ZBBX: variants seen among roughly 807,000 people sequenced by gnomAD.
ZBBX encodes the protein zinc finger B-box domain containing, also known as zinc finger B-box domain-containing protein 1.
ZBBX carries 101 observed loss-of-function variants against 108.5 expected under a neutral mutation model. That is an observed-to-expected ratio of 0.93 (90% CI 0.79 to 1.10). The LOEUF (loss-of-function observed/expected upper bound fraction) is 1.10, where lower values mean the gene tolerates loss of function less well. ZBBX is among the 50% of genes least tolerant of loss of function. ZBBX has a pLI of 0.00. For missense variants in ZBBX, 1,009 were observed against 941.4 expected, an observed-to-expected ratio of 1.07 and a Z score of -0.94; for synonymous variants, 356 against 323.4, an observed-to-expected ratio of 1.10 and a Z score of -1.08.
intron 8 of ZBBX, among the ~76,000 whole-genome samples, chr3:167,352,491 A>C (rs1742832004): frequency 6.6e-6 from 1 of 152,100 alleles, no homozygotes; most frequent in African/African-American, 2.4e-5. Flanking sequence ...CAGTAATAAA[A>C]ATTTTCCCAA....
the ZBBX span, among the ~76,000 whole-genome samples, chr3:167,182,723 G>A: frequency 1.3e-5 from 2 of 152,208 alleles, no homozygotes; most frequent in Non-Finnish European, 2.9e-5. Context: ...AGTCAGGCAA[G>A]CTTGAGTAAG....
the ZBBX span, among the ~76,000 whole-genome samples, chr3:167,231,350 C>A: frequency 6.6e-6 from 1 of 151,644 alleles, no homozygotes; most frequent in Admixed American, 6.6e-5. Context: ...GAAATAAAAG[C>A]AAAATCATGA....
In ZBBX at chr3:167,368,465, T is replaced by C; in HGVS notation, c.178A>G (p.Arg60Gly). 6.2e-7 allele frequency: 1 copy of C among 1,608,282 alleles called. No individual in the cohort carries two copies. The highest frequency in any genetic ancestry group is 1.1e-5 in the South Asian group (1 of 90,868). The change falls in exon 5 of 22, where the codon AGA becomes GGA. Residue 60 changes from arginine (R) to glycine (G), a missense_variant. Physicochemically the swap from Arg to Gly is moderately radical, Grantham distance 125. Transcript: ENST00000675490. ...RSTRNKEKED[R>G]ESSEYYWKSG... is the part of the protein sequence containing the mutation. The stretch of plus-strand genomic sequence containing the variant: ...TTCTCTAAGAGTTTCACTCACTCTC[T>C]ATCTTCCTTTTCTTTGTTTCTTGTG...
chr3:167,352,621 C>T (rs1421016853), intron 8 of ZBBX, among the ~76,000 whole-genome samples: 2 of 151,748 alleles, frequency 1.3e-5, no homozygotes, highest in African/African-American at 4.8e-5. Context: ...ACTCCCTACT[C>T]ATTCTAAGAA....
At chr3:167,295,792 C>T (rs1008244653) in intron 18 of ZBBX, among the ~76,000 whole-genome samples, 12 of 116,522 alleles carry the variant, frequency 1.0e-4, no homozygotes, top group African/African-American at 3.0e-4. Flanking sequence ...AATCTGTTAA[C>T]AAAAATTTGC....
Position 167,282,235 on chromosome 3 carries a change from T to G in ZBBX, c.2254+3A>C, listed in dbSNP as rs1292675304. On this transcript the variant is annotated splice_donor_region_variant and intron_variant, in intron 20 of 21. Coordinates refer to ENST00000675490, the MANE Select transcript of ZBBX (RefSeq NM_001199201.2). ...TCTAAAGTGAAAAAAAAAATAGGAT[T>G]ACCTGCAAGAGATCTCAGCACTTGT... is the stretch of plus-strand genomic sequence containing the variant. The G allele has an allele frequency of 6.2e-7, 1 of 1,600,066 alleles. No individual in the cohort carries two copies.
intron 19 of ZBBX, 161 bp from the exon 20 acceptor site, chr3:167,282,656 T>C: frequency 1.7e-6 from 1 of 572,494 alleles, no homozygotes; most frequent in Non-Finnish European, 3.0e-6. Flanking sequence ...CTAACCACAT[T>C]TTCTTAATCT....
chr3:167,207,328 C>T, the ZBBX span, among the ~76,000 whole-genome samples: 1 of 152,124 alleles, frequency 6.6e-6, no homozygotes, highest in Non-Finnish European at 1.5e-5. Flanking sequence ...CATTTTTCTA[C>T]CTTTCTTAAA....
intron 2 of ZBBX, among the ~76,000 whole-genome samples, chr3:167,375,624 C>G (rs899711084): frequency 6.6e-6 from 1 of 151,726 alleles, no homozygotes; most frequent in Non-Finnish European, 1.5e-5. Context: ...CATTATACAC[C>G]AACAAACACA....
chr3:167,205,932 C>T, the ZBBX span, among the ~76,000 whole-genome samples: 4 of 152,074 alleles, frequency 2.6e-5, no homozygotes, highest in Non-Finnish European at 4.4e-5. Context: ...TCTCTCTCTG[C>T]TGTATATACA....
chr3:167,251,434 ACT>A (rs1326548147), intron 20 of ZBBX, among the ~76,000 whole-genome samples: 1 of 151,536 alleles, frequency 6.6e-6, no homozygotes, highest in Non-Finnish European at 1.5e-5. Context: ...ACCCCTAGAC[ACT>A]CTCGTGGAGT....
the ZBBX span, among the ~76,000 whole-genome samples, chr3:167,208,007 G>A: frequency 1.3e-5 from 2 of 152,108 alleles, no homozygotes; most frequent in African/African-American, 2.4e-5. Context: ...TTTGGGGGAG[G>A]GAGAGTACAG....
At chr3:167,220,984 C>A in the ZBBX span, among the ~76,000 whole-genome samples, 1 of 151,460 alleles carries the variant, frequency 6.6e-6, no homozygotes, top group Non-Finnish European at 1.5e-5. Flanking sequence ...GAATAAAATA[C>A]CTAGGAATTA....
intron 1 of ZBBX, among the ~76,000 whole-genome samples, chr3:167,385,570 G>T: frequency 6.6e-6 from 1 of 151,468 alleles, no homozygotes; most frequent in African/African-American, 2.4e-5. Context: ...TAAACTTTTT[G>T]ACCCTTTTGT....
At chr3:167,273,722 C>A (rs2108484732) in intron 20 of ZBBX, among the ~76,000 whole-genome samples, 1 of 152,170 alleles carries the variant, frequency 6.6e-6, no homozygotes, top group African/African-American at 2.4e-5. Flanking sequence ...ATTGGCTATC[C>A]CTTTCACCCT....
At chr3:167,366,454 C>A (rs1745326856) in intron 5 of ZBBX, among the ~76,000 whole-genome samples, 1 of 151,822 alleles carries the variant, frequency 6.6e-6, no homozygotes, top group Non-Finnish European at 1.5e-5. Flanking sequence ...AGAAGGCATA[C>A]TTTAGCTGTA....
chr3:167,396,519 T>C (rs771552701), intron 1 of ZBBX, among the ~76,000 whole-genome samples: 1 of 152,088 alleles, frequency 6.6e-6, no homozygotes, highest in African/African-American at 2.4e-5. Flanking sequence ...GTAAAAATGG[T>C]ATTTTCTTTA....
rs114573307 is a variant in ZBBX at position 167,259,809 on chromosome 3, C to T, written c.2255-17166G>A. Among the ~76,000 whole-genome samples the T allele has an allele frequency of 6.1e-3, 931 of 152,064 alleles. 6 individuals are homozygous for T. Among genetic ancestry groups the T allele is most frequent in the African/African-American group, 0.022 (903 of 41,492 alleles). Reference sequence around the variant, plus strand: ...GAAGATTGCTTTTGGAGTTGATTTCCAGTTTTATTCCACTGTGGTCAGAGA... The same window carrying T: ...GAAGATTGCTTTTGGAGTTGATTTCTAGTTTTATTCCACTGTGGTCAGAGA... On this transcript the variant is annotated intron_variant, in intron 20 of 21. Transcript: ENST00000675490.
intron 10 of ZBBX, among the ~76,000 whole-genome samples, chr3:167,330,966 C>CTCTCTCTCTCTCTCTCTCT (rs1738499559): frequency 5.9e-4 from 11 of 18,738 alleles, no homozygotes; most frequent in East Asian, 2.8e-3. Context: ...TCTCTCTCTC[C>CTCTCTCTCTCTCTCTCTCT]CCCACTCCCC....
Sources: gnomAD v4.1 joint callset for allele counts (sites outside exome capture counted in the v4.1 genomes callset) on GRCh38, gnomAD v4.1.1 for gene constraint, MANE v1.5 for transcripts, NCBI Gene and HGNC (gene_info 2026-07-23, HGNC 2026-07-21) for gene names.